The following ARHGAP26 variants were observed in gnomAD, a reference collection of about 807,000 sequenced individuals.
ARHGAP26 encodes the protein Rho GTPase activating protein 26.
ARHGAP26 carries 38 observed loss-of-function variants against 104.8 expected under a neutral mutation model. The ratio of observed to expected loss-of-function variants is 0.36; its 90% CI spans 0.28 to 0.48. The LOEUF is 0.48. ARHGAP26 is among the 20% of genes least tolerant of loss of function. The pLI is 0.99. For missense variants in ARHGAP26, 704 were observed against 947.9 expected, an observed-to-expected ratio of 0.74 and a Z score of 3.38; for synonymous variants, 341 against 340.0, an observed-to-expected ratio of 1.00 and a Z score of -0.03.
intron 21 of ARHGAP26, among the ~76,000 whole-genome samples, chr5:143,208,838 A>T (rs752414047): frequency 6.6e-6 from 1 of 152,174 alleles, no homozygotes; most frequent in African/African-American, 2.4e-5. Flanking sequence ...TCACTCTATA[A>T]ATAAGGGAAA....
chr5:142,840,350 A>G (rs77822751), intron 1 of ARHGAP26, among the ~76,000 whole-genome samples: 2,140 of 152,300 alleles, frequency 0.014, 43 homozygotes, highest in African/African-American at 0.048. Flanking sequence ...GGAATAATAC[A>G]TTGGTTATTT....
chr5:143,074,406 C>G lies in ARHGAP26; in HGVS notation c.1538+16659C>G, dbSNP rs930896215. 5.9e-5 allele frequency among the ~76,000 whole-genome samples: 9 copies of G among 152,176 alleles called. No homozygotes were observed. In the South Asian group the frequency reaches 1.7e-3, roughly 28 times the overall value. ...TATCCTGGCCTTTTTCCATTAATCT[C>G]TCTGCCCAGGTCTGCTAGAGAAGGG... On this transcript the variant is annotated intron_variant, in intron 17 of 22. Transcript: ENST00000645722.
At chr5:143,008,584 G>A (rs760891307) in intron 11 of ARHGAP26, among the ~76,000 whole-genome samples, 1 of 152,216 alleles carries the variant, frequency 6.6e-6, no homozygotes, top group African/African-American at 2.4e-5. Context: ...GGTAAAGATG[G>A]TGCAGTTTAG....
chr5:142,812,363 C>T (rs1417340299), intron 1 of ARHGAP26, among the ~76,000 whole-genome samples: 1 of 151,838 alleles, frequency 6.6e-6, no homozygotes, highest in Admixed American at 6.6e-5. Context: ...AAGCAATCTT[C>T]CTCTTTTTTT....
At chr5:142,803,461 C>G (rs1171625878) in intron 1 of ARHGAP26, among the ~76,000 whole-genome samples, 1 of 152,180 alleles carries the variant, frequency 6.6e-6, no homozygotes, top group African/African-American at 2.4e-5. Context: ...CCCATAGCTC[C>G]TGTCCTTTGT....
intron 12 of ARHGAP26, among the ~76,000 whole-genome samples, chr5:143,026,300 G>A (rs1781054474): frequency 6.6e-6 from 1 of 152,182 alleles, no homozygotes; most frequent in Non-Finnish European, 1.5e-5. Context: ...CATATACAAT[G>A]AAAAGAAATT....
intron 11 of ARHGAP26, among the ~76,000 whole-genome samples, chr5:142,933,461 G>A (rs1348576479): frequency 6.6e-6 from 1 of 152,166 alleles, no homozygotes; most frequent in Non-Finnish European, 1.5e-5. Flanking sequence ...AGGCTAGGTT[G>A]CTATTAACAG....
chr5:143,136,697 C>T (rs1193131264), intron 19 of ARHGAP26, among the ~76,000 whole-genome samples: 1 of 152,148 alleles, frequency 6.6e-6, no homozygotes, highest in African/African-American at 2.4e-5. Flanking sequence ...TGCTCCCTCC[C>T]AGGTTGTAAT....
At chr5:143,180,346 G>A (rs530045978) in intron 20 of ARHGAP26, among the ~76,000 whole-genome samples, 3 of 152,110 alleles carry the variant, frequency 2.0e-5, no homozygotes, top group African/African-American at 4.8e-5. Flanking sequence ...GGATGGTCTC[G>A]ATCTCTTGAC....
intron 11 of ARHGAP26, among the ~76,000 whole-genome samples, chr5:142,983,774 C>T (rs1020508711): frequency 2.6e-5 from 4 of 152,156 alleles, no homozygotes; most frequent in Admixed American, 2.6e-4. Context: ...GTGTTTTCAA[C>T]TCTTTTCTAT....
intron 1 of ARHGAP26, among the ~76,000 whole-genome samples, chr5:142,800,445 C>G (rs115043490): frequency 6.6e-6 from 1 of 151,546 alleles, no homozygotes; most frequent in African/African-American, 2.4e-5. Flanking sequence ...TCTCGGCTTA[C>G]TGCAACCTCC....
intron 10 of ARHGAP26, among the ~76,000 whole-genome samples, chr5:142,925,336 A>G (rs1009067215): frequency 1.3e-5 from 2 of 152,210 alleles, no homozygotes; most frequent in African/African-American, 2.4e-5. Context: ...TAAAACTGCA[A>G]AAGAAAAAAC....
chr5:143,206,146 C>T (rs907014707), intron 20 of ARHGAP26, among the ~76,000 whole-genome samples: 3 of 152,192 alleles, frequency 2.0e-5, no homozygotes, highest in South Asian at 2.1e-4. Context: ...AATTGCAGTA[C>T]GCTTAGAAAG....
chr5:142,811,271 A>G (rs1764021941), intron 1 of ARHGAP26, among the ~76,000 whole-genome samples: 1 of 152,076 alleles, frequency 6.6e-6, no homozygotes, highest in Non-Finnish European at 1.5e-5. Flanking sequence ...TTCACTCTGT[A>G]TGCTGGGTAT....
intron 11 of ARHGAP26, among the ~76,000 whole-genome samples, chr5:142,941,074 CAAAAAAAAAA>C (rs1162903888): frequency 7.0e-4 from 19 of 27,244 alleles, no homozygotes; most frequent in African/African-American, 2.5e-3. Flanking sequence ...GACTCCATCT[CAAAAAAAAAA>C]AAAAAAAAAA....
chr5:142,945,102 T>C (rs1766914861), intron 11 of ARHGAP26, among the ~76,000 whole-genome samples: 3 of 152,170 alleles, frequency 2.0e-5, no homozygotes, highest in African/African-American at 7.2e-5. Context: ...TAACTTGTTG[T>C]ATTTCCCCCA....
At position 142,874,535 on chromosome 5, in the gene ARHGAP26, C is replaced by G. The variant is rs183214689; in HGVS notation, c.251-575C>G. Among the ~76,000 whole-genome samples the G allele has an allele frequency of 1.1e-4, 16 of 152,264 alleles. No homozygotes were observed. The East Asian group carries it at 1.7e-3, about 17-fold the overall frequency. On this transcript the variant is annotated intron_variant, in intron 2 of 22. Transcript: ENST00000645722. ...CTCGAGTATCCTCAGGGCCATTGCA[C>G]GTAATGCTTATTGCTTTTATGAATA... is the stretch of plus-strand genomic sequence containing the variant.
chr5:142,911,329 A>G (rs1390098313), intron 9 of ARHGAP26, among the ~76,000 whole-genome samples: 1 of 152,108 alleles, frequency 6.6e-6, no homozygotes, highest in African/African-American at 2.4e-5. Flanking sequence ...CTGGGCTTCT[A>G]GCCACACCAG....
chr5:143,158,979 G>T (rs1239183465), intron 20 of ARHGAP26, among the ~76,000 whole-genome samples: 3 of 152,208 alleles, frequency 2.0e-5, no homozygotes, highest in Admixed American at 6.5e-5. Context: ...CTCAAGGAGG[G>T]TTTATTAACA....
Sources: allele counts gnomAD v4.1 joint callset (sites outside exome capture counted in the v4.1 genomes callset), GRCh38; gene constraint gnomAD v4.1.1; transcripts MANE v1.5; gene names NCBI Gene and HGNC (gene_info 2026-07-23, HGNC 2026-07-21).